UNC5C: variants seen among roughly 807,000 people sequenced by gnomAD.
The protein encoded by UNC5C is unc-5 netrin receptor C, also known as netrin receptor UNC5C.
In UNC5C, 47 loss-of-function variants were observed where a neutral mutation model predicts 99.8. The ratio of observed to expected loss-of-function variants is 0.47; its 90% CI spans 0.37 to 0.60. UNC5C has a LOEUF of 0.60. Among genes scored for constraint, UNC5C ranks in the 20% least tolerant of loss-of-function variants. UNC5C has a pLI of 0.00. For synonymous variants in UNC5C, 487 were observed against 452.2 expected (o/e 1.08, Z -0.98); for missense variants, 1,062 against 1,165.9 (o/e 0.91, Z 1.30).
intron 1 of UNC5C, among the ~76,000 whole-genome samples, chr4:95,438,945 A>G (rs544272656): frequency 6.6e-6 from 1 of 152,282 alleles, no homozygotes; most frequent in South Asian, 2.1e-4. Flanking sequence ...CCCATCAATA[A>G]ACGGAGGATA....
At chr4:95,333,249 C>T (rs1165127685) in intron 2 of UNC5C, among the ~76,000 whole-genome samples, 1 of 152,132 alleles carries the variant, frequency 6.6e-6, no homozygotes, top group Admixed American at 6.5e-5. Context: ...ATAAATCATG[C>T]TGCTATAAAG....
rs532795029 is a variant in UNC5C, at chr4:95,438,057, A to G, written c.125-102426T>C. 9.8e-5 allele frequency among the ~76,000 whole-genome samples: 4 copies of G among 40,970 alleles called. No homozygotes were observed. In the East Asian group the frequency reaches 2.9e-3, roughly 30 times the overall value. The allele number at this position is 40,970 out of a possible 152,430, so 26.9% of individuals were successfully genotyped here. On this transcript the variant is annotated intron_variant, in intron 1 of 15. Transcript: ENST00000453304. ...GGTAAAAGAAACTTTGCCTCACAGG[A>G]TCTCCATTTACAGATATATATTGGC...
chr4:95,210,860 A>C (rs116382609), intron 10 of UNC5C, among the ~76,000 whole-genome samples: 1 of 152,210 alleles, frequency 6.6e-6, no homozygotes, highest in Non-Finnish European at 1.5e-5. Flanking sequence ...TGCATAATTT[A>C]CAAAACTTTC....
At chr4:95,186,058 C>T (rs1053377144) in intron 12 of UNC5C, among the ~76,000 whole-genome samples, 10 of 152,154 alleles carry the variant, frequency 6.6e-5, no homozygotes, top group African/African-American at 9.7e-5. Flanking sequence ...CCAACTGCAG[C>T]TGTAATTATC....
intron 1 of UNC5C, among the ~76,000 whole-genome samples, chr4:95,547,500 C>G (rs1423090700): frequency 2.0e-5 from 3 of 152,190 alleles, no homozygotes; most frequent in Admixed American, 1.3e-4. Context: ...CCTCCCTTTA[C>G]TCTCCAAATT....
At chr4:95,458,721 T>C (rs541677128) in intron 1 of UNC5C, among the ~76,000 whole-genome samples, 1 of 152,182 alleles carries the variant, frequency 6.6e-6, no homozygotes, top group African/African-American at 2.4e-5. Flanking sequence ...AAATGAATGA[T>C]AATAATTATA....
At chr4:95,322,924 C>T (rs553599164) in intron 2 of UNC5C, among the ~76,000 whole-genome samples, 2 of 140,432 alleles carry the variant, frequency 1.4e-5, no homozygotes, top group Non-Finnish European at 3.0e-5. Context: ...GGTGACAGAG[C>T]GAGATTCTGT....
At chr4:95,280,650 C>T (rs1042659861) in intron 3 of UNC5C, among the ~76,000 whole-genome samples, 11 of 151,980 alleles carry the variant, frequency 7.2e-5, no homozygotes, top group Admixed American at 7.2e-4. Context: ...GATTGCACCA[C>T]TGTACTCCAG....
At chr4:95,510,195 A>C (rs183202669) in intron 1 of UNC5C, among the ~76,000 whole-genome samples, 11 of 152,166 alleles carry the variant, frequency 7.2e-5, no homozygotes, top group African/African-American at 2.6e-4. Flanking sequence ...TGGACAAAAG[A>C]AAGCTTTATT....
intron 1 of UNC5C, among the ~76,000 whole-genome samples, chr4:95,393,089 G>C (rs1745408798): frequency 6.6e-6 from 1 of 152,158 alleles, no homozygotes; most frequent in East Asian, 1.9e-4. Flanking sequence ...CTTGGGGAAA[G>C]TAGTAAGTCA....
At chr4:95,444,472 C>G (rs1330558633) in intron 1 of UNC5C, among the ~76,000 whole-genome samples, 1 of 152,122 alleles carries the variant, frequency 6.6e-6, no homozygotes, top group Non-Finnish European at 1.5e-5. Flanking sequence ...GCTGGGACTA[C>G]AGGGGCCTGC....
chr4:95,507,212 T>A (rs1182834739), intron 1 of UNC5C, among the ~76,000 whole-genome samples: 1 of 151,986 alleles, frequency 6.6e-6, no homozygotes, highest in Non-Finnish European at 1.5e-5. Context: ...TAATATAATA[T>A]CATACCAAGT....
At chr4:95,541,131 C>A (rs1722907774) in intron 1 of UNC5C, among the ~76,000 whole-genome samples, 1 of 152,152 alleles carries the variant, frequency 6.6e-6, no homozygotes, top group South Asian at 2.1e-4. Flanking sequence ...GTAAAGTAGT[C>A]CCCCTGCTTA....
intron 1 of UNC5C, among the ~76,000 whole-genome samples, chr4:95,452,189 A>G (rs1193655070): frequency 6.6e-6 from 1 of 152,206 alleles, no homozygotes; most frequent in Non-Finnish European, 1.5e-5. Context: ...CTCGTTAACA[A>G]GAAATGAATA....
intron 2 of UNC5C, among the ~76,000 whole-genome samples, chr4:95,329,488 G>T (rs1743029173): frequency 6.6e-6 from 1 of 152,040 alleles, no homozygotes; most frequent in South Asian, 2.1e-4. Context: ...CCTTCAAAAA[G>T]ATTGTATCAA....
At chr4:95,242,194 C>A (rs1350834912) in intron 7 of UNC5C, among the ~76,000 whole-genome samples, 1 of 152,172 alleles carries the variant, frequency 6.6e-6, no homozygotes, top group Non-Finnish European at 1.5e-5. Context: ...AGAATCAACC[C>A]TTGCTCATGA....
intron 1 of UNC5C, among the ~76,000 whole-genome samples, chr4:95,443,409 T>A (rs1747007493): frequency 6.6e-6 from 1 of 152,238 alleles, no homozygotes; most frequent in African/African-American, 2.4e-5. Flanking sequence ...ATTAGTATGT[T>A]AAATACTATT....
chr4:95,298,738 A>G (rs1466746600), intron 3 of UNC5C, among the ~76,000 whole-genome samples: 1 of 152,128 alleles, frequency 6.6e-6, no homozygotes, highest in Non-Finnish European at 1.5e-5. Flanking sequence ...CATGAGCTCC[A>G]TGAGGGCAAG....
chr4:95,201,196 T>C (rs538011195), intron 12 of UNC5C, among the ~76,000 whole-genome samples: 3 of 152,166 alleles, frequency 2.0e-5, no homozygotes, highest in African/African-American at 4.8e-5. Flanking sequence ...GCCCAAACTG[T>C]CTAAGACAGG....
Sources: gnomAD v4.1 joint callset for allele counts (sites outside exome capture counted in the v4.1 genomes callset) on GRCh38, gnomAD v4.1.1 for gene constraint, MANE v1.5 for transcripts, NCBI Gene and HGNC (gene_info 2026-07-23, HGNC 2026-07-21) for gene names.